ANO3: variants seen among roughly 807,000 people sequenced by gnomAD.
ANO3 encodes anoctamin-3.
ANO3 carries 99 observed loss-of-function variants against 144.8 expected under a neutral mutation model. The observed-to-expected ratio is 0.68, with a 90% CI of 0.58 to 0.81. The LOEUF (loss-of-function observed/expected upper bound fraction) is 0.81, where lower values mean the gene tolerates loss of function less well. Ranked by LOEUF, ANO3 falls within the 30% of genes least tolerant of loss-of-function variation. The pLI, the probability that ANO3 is intolerant of heterozygous loss-of-function variation, is 0.00. For missense variants in ANO3, 905 were observed against 1,202.2 expected, an observed-to-expected ratio of 0.75 and a Z score of 3.66; for synonymous variants, 414 against 392.6, an observed-to-expected ratio of 1.05 and a Z score of -0.64.
chr11:26,199,383 G>C (rs1851649309), intron 1 of ANO3, among the ~76,000 whole-genome samples: 1 of 151,902 alleles, frequency 6.6e-6, no homozygotes, highest in African/African-American at 2.4e-5. Context: ...CTTAATCTTG[G>C]GCTGTTTACA....
chr11:26,431,775 C>T (rs1298454750), intron 1 of ANO3, among the ~76,000 whole-genome samples: 1 of 152,138 alleles, frequency 6.6e-6, no homozygotes, highest in Non-Finnish European at 1.5e-5. Flanking sequence ...ATATGTACCA[C>T]ATTTTACATT....
intron 23 of ANO3, 108 bp downstream of exon 23, chr11:26,643,442 G>C (rs1853236630): frequency 7.4e-7 from 1 of 1,344,700 alleles, no homozygotes; most frequent in South Asian, 1.4e-5. Flanking sequence ...CAGTGTCATA[G>C]TATTAAGAGG....
intron 1 of ANO3, among the ~76,000 whole-genome samples, chr11:26,209,041 A>C (rs1851876491): frequency 1.3e-5 from 2 of 152,330 alleles, no homozygotes; most frequent in Middle Eastern, 3.4e-3. Context: ...ACATGTGCAG[A>C]ATGTGTAGGT....
intron 1 of ANO3, among the ~76,000 whole-genome samples, chr11:26,324,494 G>A (rs575618326): frequency 3.2e-4 from 48 of 152,232 alleles, no homozygotes; most frequent in East Asian, 3.9e-4. Flanking sequence ...TGAAAGACAC[G>A]CCAATGACTG....
Position 26,531,350 on chromosome 11 carries a change from T to G in ANO3, c.869+14T>G, listed in dbSNP as rs1324493885. The G allele has an allele frequency of 2.5e-6, 4 of 1,597,394 alleles. No individual in the cohort carries two copies. The highest frequency in any genetic ancestry group is 8.5e-7 in the Non-Finnish European group (1 of 1,173,780). On this transcript the variant is annotated intron_variant, in intron 8 of 26. Transcript: ENST00000256737. ...ACGGATTCACCAGTGAGTTCCCCTC[T>G]TTTTTCATACTGCCTACCTTTATAT...
At chr11:26,428,727 TTGTG>T (rs66649719) in intron 1 of ANO3, among the ~76,000 whole-genome samples, 139,355 of 151,072 alleles carry the variant, frequency 0.92, 64,612 homozygotes, top group East Asian at 0.99. Context: ...CTTGTAGAAT[TTGTG>T]TGTGTGTGTG....
intron 1 of ANO3, among the ~76,000 whole-genome samples, chr11:26,370,620 G>A (rs1176900697): frequency 6.6e-6 from 1 of 152,208 alleles, no homozygotes; most frequent in Non-Finnish European, 1.5e-5. Context: ...CAAAGGACAG[G>A]AAGATGTGGG....
At chr11:26,568,124 A>G (rs995223171) in intron 14 of ANO3, among the ~76,000 whole-genome samples, 1 of 152,056 alleles carries the variant, frequency 6.6e-6, no homozygotes, top group Admixed American at 6.6e-5. Context: ...TTCTGTGACA[A>G]CTAAGAAATT....
intron 3 of ANO3, among the ~76,000 whole-genome samples, chr11:26,461,435 C>T (rs1283330252): frequency 1.3e-5 from 2 of 152,008 alleles, no homozygotes; most frequent in African/African-American, 4.8e-5. Context: ...TGACACCCCC[C>T]ACTCCTTTCA....
intron 1 of ANO3, among the ~76,000 whole-genome samples, chr11:26,217,940 T>C (rs1157225594): frequency 6.6e-6 from 1 of 152,110 alleles, no homozygotes; most frequent in African/African-American, 2.4e-5. Flanking sequence ...AAATGTCATC[T>C]GCTTTGTGGA....
intron 1 of ANO3, among the ~76,000 whole-genome samples, chr11:26,222,511 CTG>C (rs1270077846): frequency 3.9e-5 from 6 of 152,230 alleles, no homozygotes; most frequent in Admixed American, 6.5e-5. Flanking sequence ...CCACTGGAAA[CTG>C]TGTGTGGAGG....
intron 1 of ANO3, among the ~76,000 whole-genome samples, chr11:26,195,756 C>T (rs1851574551): frequency 6.6e-6 from 1 of 152,164 alleles, no homozygotes; most frequent in South Asian, 2.1e-4. Flanking sequence ...GTCATCATTA[C>T]ATAATATATG....
rs114474255 is a variant in ANO3 at position 26,370,593 on chromosome 11, T to G, written c.46+38272T>G. ...AAAATGTGAGAAAGTTTGAAACTTC[T>G]TAAAACTTGGAGGGCTCAAAGGACA... On this transcript the variant is annotated intron_variant, in intron 1 of 26. Coordinates refer to ENST00000256737, the MANE Select transcript of ANO3 (RefSeq NM_031418.4). Among the ~76,000 whole-genome samples, 821 of 152,214 alleles carry G rather than the reference T, an allele frequency of 5.4e-3. 4 individuals carry two copies. Among genetic ancestry groups the G allele is most frequent in the African/African-American group, 0.019 (796 of 41,560 alleles).
At chr11:26,597,555 A>G (rs1851671368) in intron 14 of ANO3, among the ~76,000 whole-genome samples, 1 of 152,196 alleles carries the variant, frequency 6.6e-6, no homozygotes, top group Admixed American at 6.5e-5. Context: ...AGTGGTGGAC[A>G]GCAAGCAAAA....
chr11:26,598,502 A>T, intron 15 of ANO3, 55 bp downstream of exon 15: 1 of 1,233,410 alleles, frequency 8.1e-7, no homozygotes, highest in Non-Finnish European at 1.2e-6. Flanking sequence ...AGGATATGGA[A>T]AATTACTGCC....
At chr11:26,547,992 GCT>G (rs1849832129) in intron 12 of ANO3, among the ~76,000 whole-genome samples, 1 of 151,852 alleles carries the variant, frequency 6.6e-6, no homozygotes, top group Admixed American at 6.6e-5. Flanking sequence ...GAGATGCATA[GCT>G]CTTTTTGCAC....
At chr11:26,338,984 C>T (rs1156275153) in intron 1 of ANO3, among the ~76,000 whole-genome samples, 1 of 152,192 alleles carries the variant, frequency 6.6e-6, no homozygotes, top group Non-Finnish European at 1.5e-5. Context: ...TTCAAAGATG[C>T]ACTAACTGCA....
intron 17 of ANO3, among the ~76,000 whole-genome samples, chr11:26,616,344 AT>A (rs1852260594): frequency 1.3e-5 from 2 of 152,064 alleles, no homozygotes; most frequent in South Asian, 4.2e-4. Context: ...ATTGAAAATG[AT>A]GGCAAGAATC....
At chr11:26,214,733 T>C (rs1292203637) in intron 1 of ANO3, among the ~76,000 whole-genome samples, 1 of 152,008 alleles carries the variant, frequency 6.6e-6, no homozygotes, top group Non-Finnish European at 1.5e-5. Context: ...TTACATTCAA[T>C]GAACCAATAT....
Sources: allele counts gnomAD v4.1 joint callset (sites outside exome capture counted in the v4.1 genomes callset), GRCh38; gene constraint gnomAD v4.1.1; transcripts MANE v1.5; gene names NCBI Gene and HGNC (gene_info 2026-07-23, HGNC 2026-07-21).